The following OCA2 variants were observed in gnomAD, a reference collection of about 807,000 sequenced individuals.
OCA2 encodes OCA2 melanosomal transmembrane protein.
Under a neutral mutation model 100.2 loss-of-function variants are expected in OCA2, and 77 were observed. The ratio of observed to expected loss-of-function variants is 0.77; its 90% CI spans 0.64 to 0.93. OCA2 has a LOEUF of 0.93. Among genes scored for constraint, OCA2 ranks in the 40% least tolerant of loss-of-function variants. The probability of loss-of-function intolerance (pLI) is 0.00; values close to 1 mark genes in which losing one functional copy is unlikely to be tolerated. For synonymous variants in OCA2, 432 were observed against 439.2 expected, an observed-to-expected ratio of 0.98 and a Z score of 0.21; for missense variants, 1,062 against 1,089.1, an observed-to-expected ratio of 0.98 and a Z score of 0.35.
At chr15:27,948,381 C>G (rs1411506010) in intron 18 of OCA2, among the ~76,000 whole-genome samples, 1 of 152,162 alleles carries the variant, frequency 6.6e-6, no homozygotes, top group East Asian at 1.9e-4. Context: ...AGGAAATCAA[C>G]CCAGAGAATA....
At chr15:27,903,349 C>T (rs886289680) in intron 19 of OCA2, among the ~76,000 whole-genome samples, 1 of 152,194 alleles carries the variant, frequency 6.6e-6, no homozygotes, top group East Asian at 1.9e-4. Flanking sequence ...CTCCTGGCAC[C>T]GCCAGCCACC....
chr15:28,056,442 A>C (rs1223843764), intron 2 of OCA2, among the ~76,000 whole-genome samples: 2 of 152,212 alleles, frequency 1.3e-5, no homozygotes, highest in Non-Finnish European at 2.9e-5. Context: ...TCTGGGACTC[A>C]CTGGCCGGAA....
At chr15:27,794,990 C>A (rs562745103) in intron 23 of OCA2, among the ~76,000 whole-genome samples, 17 of 152,158 alleles carry the variant, frequency 1.1e-4, no homozygotes, top group Non-Finnish European at 1.8e-4. Context: ...GCAGGGCAGA[C>A]CCTCACTATA....
chr15:28,073,695 C>T (rs1460310043), intron 2 of OCA2, among the ~76,000 whole-genome samples: 1 of 152,204 alleles, frequency 6.6e-6, no homozygotes, highest in African/African-American at 2.4e-5. Context: ...CAAACCTCAA[C>T]ATCACATAAT....
chr15:27,865,556 T>A (rs188463693), intron 21 of OCA2, among the ~76,000 whole-genome samples: 6 of 152,340 alleles, frequency 3.9e-5, no homozygotes, highest in African/African-American at 1.4e-4. Flanking sequence ...TTTTCATGAA[T>A]GTTCTTTGGT....
At chr15:27,853,215 C>T in intron 21 of OCA2, among the ~76,000 whole-genome samples, 1 of 102,726 alleles carries the variant, frequency 9.7e-6, no homozygotes, top group East Asian at 3.2e-4. Flanking sequence ...AAATGTGGCA[C>T]ATATACACCA....
chr15:27,937,431 T>G (rs2039497062), intron 18 of OCA2, among the ~76,000 whole-genome samples: 1 of 152,322 alleles, frequency 6.6e-6, no homozygotes, highest in South Asian at 2.1e-4. Context: ...TGAACAAAAT[T>G]ACTAAGCAGA....
chr15:27,933,021 T>C (rs2039311827), intron 18 of OCA2, among the ~76,000 whole-genome samples: 1 of 151,384 alleles, frequency 6.6e-6, no homozygotes. Context: ...AGCCCCGAAA[T>C]AAACACGTAT....
At chr15:27,907,955 T>C (rs942501228) in intron 19 of OCA2, among the ~76,000 whole-genome samples, 1 of 152,128 alleles carries the variant, frequency 6.6e-6, no homozygotes, top group African/African-American at 2.4e-5. Flanking sequence ...GTCACAATTA[T>C]CTATAAATTA....
chr15:27,955,779 C>CT (rs1433249170), intron 16 of OCA2, among the ~76,000 whole-genome samples: 2 of 152,142 alleles, frequency 1.3e-5, no homozygotes, highest in Admixed American at 6.5e-5. Flanking sequence ...GCTTTGAAGT[C>CT]TTTTCTGTCC....
At chr15:27,958,361 G>A (rs969499672) in intron 15 of OCA2, among the ~76,000 whole-genome samples, 1 of 152,204 alleles carries the variant, frequency 6.6e-6, no homozygotes, top group African/African-American at 2.4e-5. Flanking sequence ...TCTAGACATT[G>A]CCCAATCTTT....
intron 19 of OCA2, among the ~76,000 whole-genome samples, chr15:27,889,824 G>A (rs1346061993): frequency 1.3e-5 from 2 of 152,218 alleles, no homozygotes; most frequent in Non-Finnish European, 2.9e-5. Flanking sequence ...GCATCAAGGT[G>A]TGAAGAAAAG....
intron 19 of OCA2, among the ~76,000 whole-genome samples, chr15:27,887,605 T>C (rs2037279071): frequency 1.5e-5 from 2 of 137,480 alleles, no homozygotes; most frequent in Admixed American, 7.5e-5. Context: ...GACCTGTAAG[T>C]CCACTAAACC....
At chr15:27,940,545 C>A (rs1314772676) in intron 18 of OCA2, among the ~76,000 whole-genome samples, 2 of 152,140 alleles carry the variant, frequency 1.3e-5, no homozygotes, top group African/African-American at 4.8e-5. Context: ...CCCTACTGAC[C>A]AGCACTAAAG....
intron 23 of OCA2, among the ~76,000 whole-genome samples, chr15:27,836,411 TTC>T (rs10577181): frequency 0.15 from 23,441 of 152,106 alleles, 2,671 homozygotes; most frequent in East Asian, 0.53. Flanking sequence ...CTTTTCTTTC[TTC>T]TCTTTCCTTC....
At chr15:28,075,765 C>A (rs1269300808) in intron 2 of OCA2, among the ~76,000 whole-genome samples, 1 of 152,162 alleles carries the variant, frequency 6.6e-6, no homozygotes, top group Non-Finnish European at 1.5e-5. Flanking sequence ...GGATGAAGCT[C>A]AAATGCATTA....
At chr15:28,021,195 C>T (rs1277877114) in intron 6 of OCA2, among the ~76,000 whole-genome samples, 5 of 152,198 alleles carry the variant, frequency 3.3e-5, no homozygotes, top group Non-Finnish European at 5.9e-5. Flanking sequence ...GGACCCTCCA[C>T]GGATGCCCGC....
intron 2 of OCA2, among the ~76,000 whole-genome samples, chr15:28,060,785 C>T (rs1468695729): frequency 6.6e-6 from 1 of 152,204 alleles, no homozygotes; most frequent in Non-Finnish European, 1.5e-5. Flanking sequence ...ATGGTGAAAA[C>T]CAGAGGCCTA....
Position 27,788,372 on chromosome 15 carries a change from T to G in OCA2, c.2433-32900A>C, listed in dbSNP as rs1459580001. 2.0e-5 allele frequency among the ~76,000 whole-genome samples: 3 copies of G among 152,222 alleles called. No homozygotes were observed. The East Asian group carries it at 5.8e-4, about 29-fold the overall frequency. ...TTCTTCATACATTTAGGGATTTTGT[T>G]CTTAGGTATATGTATATGAACAGTT... On this transcript the variant is annotated intron_variant, in intron 23 of 23. Transcript: ENST00000354638.
Sources: gnomAD v4.1 joint callset for allele counts (sites outside exome capture counted in the v4.1 genomes callset) on GRCh38, gnomAD v4.1.1 for gene constraint, MANE v1.5 for transcripts, NCBI Gene and HGNC (gene_info 2026-07-23, HGNC 2026-07-21) for gene names.